The following FAM193A variants were observed in gnomAD, a reference collection of about 807,000 sequenced individuals.
The protein encoded by FAM193A is family with sequence similarity 193 member A.
A neutral mutation model predicts 126.5 loss-of-function variants in FAM193A; 22 were observed. That is an observed-to-expected ratio of 0.17 (90% CI 0.12 to 0.25). The LOEUF (loss-of-function observed/expected upper bound fraction) is 0.25, where lower values mean the gene tolerates loss of function less well. Ranked by LOEUF, FAM193A falls within the 10% of genes least tolerant of loss-of-function variation. FAM193A has a pLI of 1.00. For missense variants in FAM193A, 1,675 were observed against 1,672.8 expected, an observed-to-expected ratio of 1.00 and a Z score of -0.02; for synonymous variants, 761 against 646.8, an observed-to-expected ratio of 1.18 and a Z score of -2.68.
chr4:2,575,130 C>A (rs1245002090), intron 1 of FAM193A, among the ~76,000 whole-genome samples: 1 of 152,078 alleles, frequency 6.6e-6, no homozygotes, highest in Non-Finnish European at 1.5e-5. Flanking sequence ...CAGCAGAGTG[C>A]ACAGCAAGCT....
At chr4:2,708,233 G>T (rs745315090) in intron 19 of FAM193A, 12 of 430,816 alleles carry the variant, frequency 2.8e-5, no homozygotes, top group South Asian at 1.9e-4. Flanking sequence ...TCAAGCGATT[G>T]TGCTGCCTCA....
At chr4:2,708,029 C>T (rs975317127) in intron 19 of FAM193A, 6 of 342,636 alleles carry the variant, frequency 1.8e-5, no homozygotes, top group Admixed American at 9.3e-5. Flanking sequence ...GGATTACAGG[C>T]GTGAGCCACT....
At chr4:2,568,356 A>T (rs1476822312) in intron 1 of FAM193A, among the ~76,000 whole-genome samples, 2 of 152,108 alleles carry the variant, frequency 1.3e-5, no homozygotes, top group African/African-American at 4.8e-5. Context: ...AAATTGTCTA[A>T]AAATGTTAAT....
In FAM193A at chr4:2,596,069, T is replaced by G. The variant is rs922500913; in HGVS notation, c.256-15T>G. The G allele has an allele frequency of 5.9e-6, 4 of 681,346 alleles. No individual in the cohort carries two copies. The African/African-American group carries it at 7.1e-5, about 12-fold the overall frequency. The allele number at this position is 681,346 out of a possible 1,614,324, so 42.2% of individuals were successfully genotyped here. A position where few individuals can be genotyped will look rare whatever the true frequency, so the allele number is the denominator to read the frequency against. ...GATGAGGTTTTGAAAATAGAATTTT[T>G]TTTTTCTATTCCAGACTCCTTTTAG... On this transcript the variant is annotated splice_polypyrimidine_tract_variant and intron_variant, in intron 1 of 20. Coordinates refer to ENST00000637812, the MANE Select transcript of FAM193A (RefSeq NM_001366318.2).
intron 2 of FAM193A, among the ~76,000 whole-genome samples, chr4:2,619,630 A>G (rs541835590): frequency 1.3e-5 from 2 of 151,584 alleles, no homozygotes; most frequent in Admixed American, 6.6e-5. Flanking sequence ...CTGCCTCCCA[A>G]AGTGCTGGGA....
chr4:2,712,695 G>T (rs1719109695), intron 19 of FAM193A, among the ~76,000 whole-genome samples: 1 of 152,120 alleles, frequency 6.6e-6, no homozygotes, highest in Non-Finnish European at 1.5e-5. Context: ...ATATAACTAT[G>T]TGGTTGGTCT....
At chr4:2,618,659 G>T (rs1256987567) in intron 2 of FAM193A, among the ~76,000 whole-genome samples, 1 of 141,854 alleles carries the variant, frequency 7.0e-6, no homozygotes, top group Non-Finnish European at 1.5e-5. Flanking sequence ...GCAATGGTGT[G>T]ATCTCGTCTC....
At chr4:2,718,269 G>C (rs1719755586) in intron 20 of FAM193A, among the ~76,000 whole-genome samples, 1 of 151,944 alleles carries the variant, frequency 6.6e-6, no homozygotes, top group Non-Finnish European at 1.5e-5. Context: ...TAAATCTTTA[G>C]GAGACAGATT....
chr4:2,558,016 T>TG (rs982228333), intron 1 of FAM193A, among the ~76,000 whole-genome samples: 1 of 152,058 alleles, frequency 6.6e-6, no homozygotes, highest in African/African-American at 2.4e-5. Flanking sequence ...CTCATGCCTG[T>TG]AATCCCAGCA....
intron 20 of FAM193A, among the ~76,000 whole-genome samples, chr4:2,719,251 G>A (rs1174637746): frequency 3.3e-5 from 5 of 152,060 alleles, no homozygotes; most frequent in South Asian, 2.1e-4. Context: ...CAGAGGTTGC[G>A]GTGAGTTGAG....
At position 2,557,588 on chromosome 4, in the gene FAM193A, C is replaced by T. The variant is rs28536640; in HGVS notation, c.255+20418C>T. 4.1e-3 allele frequency among the ~76,000 whole-genome samples: 618 copies of T among 152,108 alleles called. 5 individuals are homozygous for T. Among genetic ancestry groups the T allele is most frequent in the African/African-American group, 0.014 (593 of 41,490 alleles). On this transcript the variant is annotated intron_variant, in intron 1 of 20. Coordinates refer to ENST00000637812, the MANE Select transcript of FAM193A (RefSeq NM_001366318.2). ...GCTTTTTATTTTCTTCAAAGGATTCCTGAGAAGCTAATTAATATTCAGATT... is the reference window on the plus strand; with the variant it reads ...GCTTTTTATTTTCTTCAAAGGATTCTTGAGAAGCTAATTAATATTCAGATT...
Position 2,614,967 on chromosome 4 carries a change from G to T in FAM193A, c.502-10295G>T, listed in dbSNP as rs183027338. Among the ~76,000 whole-genome samples, 63 of 152,130 alleles carry T rather than the reference G, an allele frequency of 4.1e-4. 1 individual carries two copies. The East Asian group carries it at 0.01, about 25-fold the overall frequency. On this transcript the variant is annotated intron_variant, in intron 2 of 20. Coordinates refer to ENST00000637812, the MANE Select transcript of FAM193A (RefSeq NM_001366318.2). ...TTTTTATTCCTGATACCAGTTTTTT[G>T]AGTTTTGTCTTTTTTTCCCCTAAGA... is the stretch of plus-strand genomic sequence containing the variant.
intron 2 of FAM193A, among the ~76,000 whole-genome samples, chr4:2,614,673 T>C (rs1461394482): frequency 6.6e-6 from 1 of 152,252 alleles, no homozygotes; most frequent in Non-Finnish European, 1.5e-5. Context: ...GAAAAGTTTG[T>C]GTAAAATTGG....
intron 1 of FAM193A, among the ~76,000 whole-genome samples, chr4:2,539,152 A>G (rs1737069816): frequency 6.6e-6 from 1 of 152,094 alleles, no homozygotes; most frequent in African/African-American, 2.4e-5. Flanking sequence ...TTGGCCTCTC[A>G]AAGTCCTGGA....
intron 1 of FAM193A, among the ~76,000 whole-genome samples, chr4:2,573,863 C>T (rs1314831237): frequency 6.6e-6 from 1 of 152,088 alleles, no homozygotes; most frequent in Non-Finnish European, 1.5e-5. Flanking sequence ...GTGCACCCGG[C>T]TCTTTGTTTT....
At chr4:2,728,895 A>ATTTTTTTTTTTTTTTTTTTT (rs1491485597) in intron 20 of FAM193A, among the ~76,000 whole-genome samples, 4 of 105,710 alleles carry the variant, frequency 3.8e-5, no homozygotes, top group African/African-American at 4.7e-5. Flanking sequence ...CACCTCCAAA[A>ATTTTTTTTTTTTTTTTTTTT]CTTTTTTTTT....
intron 1 of FAM193A, among the ~76,000 whole-genome samples, chr4:2,560,506 T>G (rs1738546513): frequency 6.6e-6 from 1 of 152,214 alleles, no homozygotes. Flanking sequence ...CCATTTGATG[T>G]GAGCTTCTGC....
intron 13 of FAM193A, among the ~76,000 whole-genome samples, chr4:2,674,088 A>T (rs1437000200): frequency 3.9e-5 from 6 of 152,248 alleles, no homozygotes; most frequent in Non-Finnish European, 1.5e-5. Context: ...TATTTCTACC[A>T]CTTCAGCAAA....
At chr4:2,582,843 G>A (rs1740028893) in intron 1 of FAM193A, among the ~76,000 whole-genome samples, 6 of 152,108 alleles carry the variant, frequency 3.9e-5, no homozygotes, top group African/African-American at 1.4e-4. Context: ...TATTTCACAG[G>A]AGGTTTCTTT....
Sources: allele counts gnomAD v4.1 joint callset (sites outside exome capture counted in the v4.1 genomes callset), GRCh38; gene constraint gnomAD v4.1.1; transcripts MANE v1.5; gene names NCBI Gene and HGNC (gene_info 2026-07-23, HGNC 2026-07-21).